The following ELK3 variants were observed in gnomAD, a reference collection of about 807,000 sequenced individuals.
The protein encoded by ELK3 is ETS transcription factor ELK3, also known as ETS domain-containing protein Elk-3.
A neutral mutation model predicts 28.9 loss-of-function variants in ELK3; 10 were observed. The observed-to-expected ratio is 0.35, with a 90% CI of 0.21 to 0.59. The LOEUF is 0.59. Ranked by LOEUF, ELK3 falls within the 20% of genes least tolerant of loss-of-function variation. The probability of loss-of-function intolerance (pLI) is 0.82; values close to 1 mark genes in which losing one functional copy is unlikely to be tolerated. For missense variants in ELK3, 463 were observed against 517.3 expected (o/e 0.90, Z 1.02); for synonymous variants, 272 against 243.5 (o/e 1.12, Z -1.09).
intron 2 of ELK3, among the ~76,000 whole-genome samples, chr12:96,232,217 G>A (rs1310371164): frequency 2.0e-5 from 3 of 152,300 alleles, no homozygotes; most frequent in African/African-American, 7.2e-5. Context: ...AGTGAGTGGG[G>A]AATGGAGTGT....
chr12:96,216,918 A>G (rs1951623215), intron 1 of ELK3, among the ~76,000 whole-genome samples: 2 of 152,304 alleles, frequency 1.3e-5, no homozygotes, highest in South Asian at 2.1e-4. Flanking sequence ...TTACCTTCCA[A>G]ATAGACAAAA....
intron 1 of ELK3, among the ~76,000 whole-genome samples, chr12:96,209,594 A>G (rs1217343654): frequency 6.6e-6 from 1 of 152,222 alleles, no homozygotes; most frequent in Non-Finnish European, 1.5e-5. Context: ...AGTGGTCTGT[A>G]AGATTTCCTT....
intron 2 of ELK3, among the ~76,000 whole-genome samples, chr12:96,226,258 C>T (rs1951698684): frequency 6.6e-6 from 1 of 152,210 alleles, no homozygotes; most frequent in African/African-American, 2.4e-5. Flanking sequence ...CTGCACTGCC[C>T]CTTTCTCTCT....
At chr12:96,250,018 T>G (rs565823955) in intron 3 of ELK3, among the ~76,000 whole-genome samples, 2 of 151,978 alleles carry the variant, frequency 1.3e-5, no homozygotes, top group South Asian at 4.2e-4. Flanking sequence ...AGCCCAGAAA[T>G]GGTCCTGAGG....
chr12:96,232,227 T>A (rs1228100546), intron 2 of ELK3, among the ~76,000 whole-genome samples: 5 of 152,004 alleles, frequency 3.3e-5, no homozygotes, highest in Non-Finnish European at 7.4e-5. Context: ...GAATGGAGTG[T>A]GGAGTATATC....
intron 3 of ELK3, among the ~76,000 whole-genome samples, chr12:96,257,669 T>C (rs1951960975): frequency 6.6e-6 from 1 of 152,214 alleles, no homozygotes; most frequent in African/African-American, 2.4e-5. Context: ...TAAATGTTAA[T>C]GTGACATATT....
chr12:96,210,951 T>C (rs1270720863), intron 1 of ELK3, among the ~76,000 whole-genome samples: 1 of 152,168 alleles, frequency 6.6e-6, no homozygotes, highest in Non-Finnish European at 1.5e-5. Flanking sequence ...AAAAGAAGCC[T>C]CTACTGGGGG....
At chr12:96,264,862 G>GCA (rs1952018258) in intron 4 of ELK3, among the ~76,000 whole-genome samples, 1 of 152,222 alleles carries the variant, frequency 6.6e-6, no homozygotes, top group African/African-American at 2.4e-5. Context: ...GTTGTTCTTA[G>GCA]CACTTTTGGT....
At position 96,247,521 on chromosome 12, in the gene ELK3, C is replaced by T. The variant is rs756478247; in HGVS notation, c.789C>T (p.Ala263=). Residue 263 remains alanine (A), a synonymous_variant, in exon 3 of 5, where the codon GCC becomes GCT. Coordinates refer to ENST00000228741, the MANE Select transcript of ELK3 (RefSeq NM_005230.4). The surrounding 1 kb of genome is among the most constrained non-coding windows in gnomAD (Gnocchi z 5.5). ...AACACAGAAGCCTCTTCCTGGAGGCCGCCTGCCATGACTCCGATTCCCTGG... is the reference window on the plus strand; with the variant it reads ...AACACAGAAGCCTCTTCCTGGAGGCTGCCTGCCATGACTCCGATTCCCTGG... ...PSEHRSLFLE[A]ACHDSDSLEP... is the part of the protein sequence containing the mutation. 15 of 1,614,040 alleles carry T rather than the reference C, an allele frequency of 9.3e-6. No individual in the cohort carries two copies. The highest frequency in any genetic ancestry group is 6.7e-5 in the African/African-American group (5 of 75,028).
rs1476568572 is a variant in ELK3, at chr12:96,247,975, C to T, written c.1002+241C>T. On this transcript the variant is annotated intron_variant, in intron 3 of 4. Transcript: ENST00000228741. This position sits in a 1 kb window ranked among gnomAD's most constrained non-coding sequence, Gnocchi z 5.5. ...TGATTGGTTTCTTGCTTTTAGCGGC[C>T]TAAAGTGACCATAGGTGGAACACGC... is the stretch of plus-strand genomic sequence containing the variant. Among the ~76,000 whole-genome samples the T allele has an allele frequency of 2.6e-5, 4 of 152,168 alleles. No homozygotes were observed. Among genetic ancestry groups the T allele is most frequent in the Non-Finnish European group, 4.4e-5 (3 of 68,036 alleles).
intron 1 of ELK3, among the ~76,000 whole-genome samples, chr12:96,215,426 AGAGGCAG>A (rs1951606004): frequency 6.6e-6 from 1 of 152,144 alleles, no homozygotes; most frequent in Non-Finnish European, 1.5e-5. Flanking sequence ...TTTCGGTGAC[AGAGGCAG>A]GAGGCAGCTG....
At chr12:96,264,336 A>C (rs1019861970) in intron 4 of ELK3, among the ~76,000 whole-genome samples, 11 of 152,196 alleles carry the variant, frequency 7.2e-5, no homozygotes, top group Admixed American at 2.0e-4. Flanking sequence ...TTTGAGATTA[A>C]AACAGTGGAC....
Position 96,226,697 on chromosome 12 carries a change from C to T in ELK3, c.207+2924C>T, listed in dbSNP as rs147103489. Among the ~76,000 whole-genome samples, 63 of 152,338 alleles carry T rather than the reference C, an allele frequency of 4.1e-4. No homozygotes were observed. The East Asian group carries it at 0.011, about 26-fold the overall frequency. ...TGCCATATGCACAGACATGTGCACA[C>T]GCATACATGTACATGTGCACGCATG... On this transcript the variant is annotated intron_variant, in intron 2 of 4. Coordinates refer to ENST00000228741, the MANE Select transcript of ELK3 (RefSeq NM_005230.4).
At chr12:96,264,440 T>C (rs1396883338) in intron 4 of ELK3, among the ~76,000 whole-genome samples, 1 of 152,120 alleles carries the variant, frequency 6.6e-6, no homozygotes, top group Non-Finnish European at 1.5e-5. Flanking sequence ...GAAAATTAAG[T>C]AGAAGCAAAG....
At chr12:96,232,574 A>T (rs1390564012) in intron 2 of ELK3, among the ~76,000 whole-genome samples, 3 of 151,552 alleles carry the variant, frequency 2.0e-5, no homozygotes, top group East Asian at 1.9e-4. Context: ...CCATCTCAAA[A>T]AAAAAAATAA....
rs1233636677 is a variant in ELK3, at chr12:96,268,969, C to G, written c.*1789C>G. On this transcript the variant is annotated 3_prime_UTR_variant, in exon 5 of 5. Coordinates refer to ENST00000228741, the MANE Select transcript of ELK3 (RefSeq NM_005230.4). ...CCCATAGGCTAAGAATAATTCTGTACCAGAATAAAAGGAGCTGGTCCAGGG... is the reference window on the plus strand; with the variant it reads ...CCCATAGGCTAAGAATAATTCTGTAGCAGAATAAAAGGAGCTGGTCCAGGG... The G allele has an allele frequency of 8.4e-6, 1 of 119,240 alleles. No homozygotes were observed. Among genetic ancestry groups the G allele is most frequent in the Non-Finnish European group, 1.6e-5 (1 of 61,314 alleles). The allele number at this position is 119,240 out of a possible 1,614,324, so 7.4% of individuals were successfully genotyped here.
Position 96,252,039 on chromosome 12 carries a change from G to A in ELK3, c.1002+4305G>A, listed in dbSNP as rs1951911187. Among the ~76,000 whole-genome samples, 2 of 152,238 alleles carry A rather than the reference G, an allele frequency of 1.3e-5. 1 individual carries two copies. The highest frequency in any genetic ancestry group is 2.9e-5 in the Non-Finnish European group (2 of 68,038). On this transcript the variant is annotated intron_variant, in intron 3 of 4. Transcript: ENST00000228741. ...AGAGAAGTCCATGCCTGGCTTCAGA[G>A]CTTCAAAGGACAGGCTGAGTCTTGT...
intron 1 of ELK3, among the ~76,000 whole-genome samples, chr12:96,207,922 C>T (rs1384367505): frequency 6.6e-6 from 1 of 152,234 alleles, no homozygotes; most frequent in Non-Finnish European, 1.5e-5. Flanking sequence ...GTGTCTAGCT[C>T]AGCCAACTGT....
intron 1 of ELK3, chr12:96,213,789 G>A (rs922453736): frequency 6.6e-6 from 1 of 152,054 alleles, no homozygotes. Context: ...GCAGTGATGT[G>A]ATCACAGCTC....
Sources: gnomAD v4.1 joint callset for allele counts (sites outside exome capture counted in the v4.1 genomes callset) on GRCh38, gnomAD v4.1.1 for gene constraint, Gnocchi (gnomAD v3.1) non-coding constraint, MANE v1.5 for transcripts, NCBI Gene and HGNC (gene_info 2026-07-23, HGNC 2026-07-21) for gene names.